HERC5: variants seen among roughly 807,000 people sequenced by gnomAD.
HERC5 encodes the protein HECT and RLD domain containing E3 ubiquitin protein ligase 5.
Under a neutral mutation model 119.6 loss-of-function variants are expected in HERC5, and 99 were observed. The ratio of observed to expected loss-of-function variants is 0.83; its 90% CI spans 0.70 to 0.98. The LOEUF is 0.98. Ranked by LOEUF, HERC5 falls within the 50% of genes least tolerant of loss-of-function variation. HERC5 has a pLI of 0.00. For missense variants in HERC5, 1,267 were observed against 1,241.3 expected (o/e 1.02, Z -0.31); for synonymous variants, 478 against 445.9 (o/e 1.07, Z -0.91).
chr4:88,464,561 C>CTTGT (rs201816981), intron 6 of HERC5, among the ~76,000 whole-genome samples: 14 of 150,570 alleles, frequency 9.3e-5, no homozygotes, highest in Middle Eastern at 3.5e-3. Context: ...TTTTGGTTTT[C>CTTGT]TTGTTTGTTT....
intron 13 of HERC5, among the ~76,000 whole-genome samples, chr4:88,483,474 A>G (rs1014693996): frequency 6.7e-6 from 1 of 150,128 alleles, no homozygotes; most frequent in Admixed American, 6.6e-5. Context: ...TGGTCTCCCG[A>G]AGTGCAAGGA....
rs1250245868 is a variant in HERC5 at position 88,457,121 on chromosome 4, T to C, written c.-149T>C. 8.1e-7 allele frequency: 1 copy of C among 1,232,126 alleles called. No individual in the cohort carries two copies. Among genetic ancestry groups the C allele is most frequent in the Non-Finnish European group, 1.0e-6 (1 of 987,792 alleles). The allele number at this position is 1,232,126 out of a possible 1,614,324, so 76.3% of individuals were successfully genotyped here. On this transcript the variant is annotated 5_prime_UTR_variant, in exon 1 of 23. Transcript: ENST00000264350. Reference sequence around the variant, plus strand: ...GCGTGGCGTCCCGGCAGGGGCTCAGTAGCTGAGGCTGCGGTTCCCCGACGC... The same window carrying C: ...GCGTGGCGTCCCGGCAGGGGCTCAGCAGCTGAGGCTGCGGTTCCCCGACGC...
chr4:88,479,546 C>A, intron 13 of HERC5, 39 bp downstream of exon 13: 4 of 1,486,996 alleles, frequency 2.7e-6, no homozygotes, highest in South Asian at 1.4e-5. Context: ...TTTTATCTAG[C>A]TGTAAAAATT....
chr4:88,485,296 A>G lies in HERC5; in HGVS notation c.1738-819A>G, dbSNP rs374593770. 5.3e-5 allele frequency among the ~76,000 whole-genome samples: 8 copies of G among 152,298 alleles called. No individual in the cohort carries two copies. The East Asian group carries it at 1.2e-3, about 22-fold the overall frequency. ...CCTCAGCAGGAGGCCACCAGGAACC[A>G]TGAAGATGAAGTACCCACTTTCTCT... On this transcript the variant is annotated intron_variant, in intron 13 of 22. Coordinates refer to ENST00000264350, the MANE Select transcript of HERC5 (RefSeq NM_016323.4).
In HERC5 at chr4:88,479,586, A is replaced by G. The variant is rs569191152; in HGVS notation, c.1737+79A>G. The G allele has an allele frequency of 6.5e-6, 8 of 1,229,132 alleles. No individual in the cohort carries two copies. In the African/African-American group the frequency reaches 1.2e-4, roughly 19 times the overall value. 76.1% of individuals were successfully genotyped at this position (1,229,132 alleles called of 1,614,324 possible). ...TCCTTTCAGCTGGCTTGAATCTTTA[A>G]GTAGACTCGTGTGAGACATACGAAG... On this transcript the variant is annotated intron_variant, in intron 13 of 22. Transcript: ENST00000264350.
chr4:88,505,905 T>TTTGTTGTTGTTATCGTTGTTGTTG lies in HERC5; in HGVS notation c.*39_*62dup. On this transcript the variant is annotated 3_prime_UTR_variant, in exon 23 of 23. Coordinates refer to ENST00000264350, the MANE Select transcript of HERC5 (RefSeq NM_016323.4). ...CAGCTTGCTTGTCCAACAGCCTTAT[T>TTTGTTGTTGTTATCGTTGTTGTTG]TTGTTGTTGTTATCGTTGTTGTTGT... 2.0e-6 allele frequency: 3 copies of TTTGTTGTTGTTATCGTTGTTGTTG among 1,535,376 alleles called. No homozygotes were observed. In the South Asian group the frequency reaches 3.5e-5, roughly 18 times the overall value.
intron 22 of HERC5, 108 bp downstream of exon 22, chr4:88,504,705 C>T (rs1044074928): frequency 3.7e-5 from 19 of 514,008 alleles, no homozygotes; most frequent in African/African-American, 2.4e-4. Flanking sequence ...GTCAGAGCTA[C>T]GCCTAGTCCA....
intron 16 of HERC5, among the ~76,000 whole-genome samples, chr4:88,489,662 A>G (rs545997833): frequency 3.3e-4 from 50 of 152,248 alleles, no homozygotes; most frequent in African/African-American, 9.9e-4. Context: ...AAGGGTTTCA[A>G]TGAGATGGTT....
At chr4:88,499,883 C>A in intron 18 of HERC5, 43 bp from the exon 19 acceptor site, 2 of 1,348,108 alleles carry the variant, frequency 1.5e-6, no homozygotes, top group South Asian at 2.4e-5. Context: ...GTCTAGTGAT[C>A]ATGGTTATTA....
chr4:88,478,777 A>AT (rs1280977826), intron 12 of HERC5, among the ~76,000 whole-genome samples: 1 of 151,766 alleles, frequency 6.6e-6, no homozygotes, highest in Non-Finnish European at 1.5e-5. Context: ...CGCCCTGCTA[A>AT]TTTTTTGTAG....
chr4:88,483,580 G>A (rs1485565869), intron 13 of HERC5, among the ~76,000 whole-genome samples: 2 of 146,856 alleles, frequency 1.4e-5, no homozygotes, highest in African/African-American at 5.1e-5. Context: ...TCAGGCTGGA[G>A]TGCAGTGGCA....
chr4:88,482,824 T>C (rs543922816), intron 13 of HERC5, among the ~76,000 whole-genome samples: 1 of 152,172 alleles, frequency 6.6e-6, no homozygotes, highest in South Asian at 2.1e-4. Context: ...AGAGACGAGG[T>C]TTCACCATGT....
chr4:88,457,685 G>A (rs1740218383), intron 1 of HERC5, 151 bp downstream of exon 1: 8 of 911,416 alleles, frequency 8.8e-6, no homozygotes, highest in South Asian at 1.1e-4. Flanking sequence ...CGCCGACGGC[G>A]CACCTGAGCT....
chr4:88,468,739 G>C (rs1007505649), intron 8 of HERC5, among the ~76,000 whole-genome samples: 4 of 152,146 alleles, frequency 2.6e-5, no homozygotes, highest in Non-Finnish European at 5.9e-5. Flanking sequence ...TGACTTTGCA[G>C]GCCAGTACTA....
At chr4:88,485,832 TTG>T (rs1741439991) in intron 13 of HERC5, among the ~76,000 whole-genome samples, 1 of 151,866 alleles carries the variant, frequency 6.6e-6, no homozygotes, top group African/African-American at 2.4e-5. Context: ...GGATATTGCA[TTG>T]TTTTTTTTTT....
chr4:88,492,077 C>T (rs1000790855), intron 16 of HERC5, among the ~76,000 whole-genome samples: 5 of 152,068 alleles, frequency 3.3e-5, no homozygotes, highest in African/African-American at 9.7e-5. Flanking sequence ...GACCTTGGCT[C>T]ATGGCAACCT....
chr4:88,484,367 T>C (rs928262342), intron 13 of HERC5, among the ~76,000 whole-genome samples: 3 of 152,204 alleles, frequency 2.0e-5, no homozygotes, highest in African/African-American at 7.2e-5. Flanking sequence ...TCTGTTTTCC[T>C]TGGAACTTTA....
At chr4:88,497,627 ATTATT>A (rs1741835861) in intron 18 of HERC5, among the ~76,000 whole-genome samples, 1 of 152,230 alleles carries the variant, frequency 6.6e-6, no homozygotes, top group African/African-American at 2.4e-5. Flanking sequence ...AGCAGGGAGA[ATTATT>A]TAAAGTGGAA....
intron 16 of HERC5, 116 bp from the exon 17 acceptor site, chr4:88,492,896 C>A (rs1741691246): frequency 1.1e-5 from 10 of 890,024 alleles, no homozygotes; most frequent in Non-Finnish European, 1.5e-5. Flanking sequence ...TACCTCAGTG[C>A]CTTCCAAATA....
Sources: gnomAD v4.1 joint callset for allele counts (sites outside exome capture counted in the v4.1 genomes callset) on GRCh38, gnomAD v4.1.1 for gene constraint, MANE v1.5 for transcripts, NCBI Gene and HGNC (gene_info 2026-07-23, HGNC 2026-07-21) for gene names.